DNER: variants seen among roughly 807,000 people sequenced by gnomAD.
The protein encoded by DNER is delta and Notch-like epidermal growth factor-related receptor.
In DNER, 33 loss-of-function variants were observed where a neutral mutation model predicts 78.2. The observed-to-expected ratio is 0.42, with a 90% CI of 0.32 to 0.56. The LOEUF (loss-of-function observed/expected upper bound fraction) is 0.56. DNER is among the 20% of genes least tolerant of loss of function. The pLI is 0.11. For synonymous variants in DNER, 417 were observed against 384.8 expected, an observed-to-expected ratio of 1.08 and a Z score of -0.98; for missense variants, 918 against 975.3, an observed-to-expected ratio of 0.94 and a Z score of 0.78.
chr2:229,401,496 A>G (rs545659751), intron 10 of DNER, among the ~76,000 whole-genome samples: 53 of 152,246 alleles, frequency 3.5e-4, no homozygotes, highest in African/African-American at 1.2e-3. Context: ...CTCAGCAATA[A>G]AAAGGGAGAA....
At chr2:229,670,927 T>C (rs1008802070) in intron 1 of DNER, among the ~76,000 whole-genome samples, 2 of 152,174 alleles carry the variant, frequency 1.3e-5, no homozygotes, top group African/African-American at 4.8e-5. Context: ...ATTTCAGTGA[T>C]GAAAAAAGAC....
chr2:229,603,920 T>A (rs1193934841), intron 1 of DNER, among the ~76,000 whole-genome samples: 1 of 152,226 alleles, frequency 6.6e-6, no homozygotes, highest in African/African-American at 2.4e-5. Context: ...TACCCAAAAG[T>A]AACCATAAGG....
chr2:229,606,156 T>C (rs895449560), intron 1 of DNER: 6 of 152,258 alleles, frequency 3.9e-5, no homozygotes, highest in Non-Finnish European at 8.8e-5. Flanking sequence ...TAGCACATGA[T>C]GACACTGCAT....
chr2:229,616,581 T>C (rs1442229029), intron 1 of DNER, among the ~76,000 whole-genome samples: 1 of 152,206 alleles, frequency 6.6e-6, no homozygotes, highest in East Asian at 1.9e-4. Context: ...CCCAGAAACA[T>C]TGCTGTAGAA....
At chr2:229,587,326 T>G (rs1003021203) in intron 3 of DNER, 2 of 152,274 alleles carry the variant, frequency 1.3e-5, no homozygotes, top group African/African-American at 4.8e-5. Flanking sequence ...GCTTCACCTC[T>G]CCCGCCTCTC....
intron 10 of DNER, among the ~76,000 whole-genome samples, chr2:229,400,361 T>C (rs551132016): frequency 1.3e-5 from 2 of 152,104 alleles, no homozygotes; most frequent in Admixed American, 6.6e-5. Context: ...AAAGCAATGA[T>C]ATCCCAGTAA....
intron 1 of DNER, among the ~76,000 whole-genome samples, chr2:229,660,884 G>A (rs900518824): frequency 6.6e-6 from 1 of 152,050 alleles, no homozygotes; most frequent in Non-Finnish European, 1.5e-5. Flanking sequence ...TTAAAACTGT[G>A]GAGTTTGTTG....
At chr2:229,618,644 C>A (rs1698205975) in intron 1 of DNER, among the ~76,000 whole-genome samples, 1 of 152,124 alleles carries the variant, frequency 6.6e-6, no homozygotes, top group Non-Finnish European at 1.5e-5. Context: ...CAGCTGCCGT[C>A]CAAATTGTTA....
At position 229,407,348 on chromosome 2, in the gene DNER, G is replaced by A. The variant is rs1215690599; in HGVS notation, c.1610-3C>T. On this transcript the variant is annotated splice_region_variant and splice_polypyrimidine_tract_variant and intron_variant, in intron 9 of 12. Transcript: ENST00000341772. ...CTTGTACAATTCACAGTGTGTTCCT[G>A]CAGAGAAACAAGCAAAACAGGATGA... 4 of 1,611,122 alleles carry A rather than the reference G, an allele frequency of 2.5e-6. No homozygotes were observed. The highest frequency in any genetic ancestry group is 1.3e-5 in the African/African-American group (1 of 74,878).
chr2:229,387,563 G>GAAA (rs750209136), intron 11 of DNER, among the ~76,000 whole-genome samples: 30 of 143,996 alleles, frequency 2.1e-4, no homozygotes, highest in Admixed American at 1.9e-3. Flanking sequence ...AAGAAAGAAA[G>GAAA]AAAGAAAAGA....
intron 7 of DNER, among the ~76,000 whole-genome samples, chr2:229,452,284 T>A (rs1278251032): frequency 6.6e-6 from 1 of 152,216 alleles, no homozygotes; most frequent in African/African-American, 2.4e-5. Flanking sequence ...TATTAGAGCA[T>A]GATTTTATAA....
intron 1 of DNER, among the ~76,000 whole-genome samples, chr2:229,626,795 C>T (rs1698353151): frequency 1.3e-5 from 2 of 152,298 alleles, no homozygotes; most frequent in East Asian, 3.9e-4. Context: ...TTGAAACTGA[C>T]TTTGAATTCA....
chr2:229,434,768 G>A (rs1694085908), intron 8 of DNER, among the ~76,000 whole-genome samples: 2 of 152,082 alleles, frequency 1.3e-5, no homozygotes, highest in South Asian at 4.1e-4. Context: ...GGTAAGTAAA[G>A]AAGTTTTCTC....
intron 4 of DNER, among the ~76,000 whole-genome samples, chr2:229,572,192 A>G (rs538510283): frequency 1.3e-5 from 2 of 152,076 alleles, no homozygotes; most frequent in African/African-American, 4.8e-5. Flanking sequence ...TCCCTCTCAT[A>G]CCTGCTCTTC....
At chr2:229,599,272 T>C (rs977231576) in intron 1 of DNER, among the ~76,000 whole-genome samples, 1 of 152,238 alleles carries the variant, frequency 6.6e-6, no homozygotes, top group Admixed American at 6.5e-5. Flanking sequence ...ATTACGTTAG[T>C]AATTTGTCTG....
chr2:229,638,884 G>C (rs114483274), intron 1 of DNER, among the ~76,000 whole-genome samples: 2 of 152,126 alleles, frequency 1.3e-5, no homozygotes, highest in Non-Finnish European at 2.9e-5. Context: ...AAGAAATTAG[G>C]TTCCTAATCC....
At chr2:229,365,314 C>T (rs762717187) in intron 12 of DNER, among the ~76,000 whole-genome samples, 1 of 152,150 alleles carries the variant, frequency 6.6e-6, no homozygotes, top group Non-Finnish European at 1.5e-5. Context: ...AGGAAGGATG[C>T]TCAACCTCTA....
intron 6 of DNER, among the ~76,000 whole-genome samples, chr2:229,502,682 C>G (rs777899013): frequency 3.9e-5 from 6 of 152,174 alleles, no homozygotes; most frequent in Admixed American, 6.5e-5. Context: ...GGATGGTTAT[C>G]ATTTCTTCAG....
intron 11 of DNER, among the ~76,000 whole-genome samples, chr2:229,379,678 A>G (rs1692691052): frequency 1.3e-5 from 2 of 152,124 alleles, no homozygotes; most frequent in South Asian, 4.2e-4. Context: ...TTGTCATACT[A>G]AACTTTAGAA....
Sources: allele counts gnomAD v4.1 joint callset (sites outside exome capture counted in the v4.1 genomes callset), GRCh38; gene constraint gnomAD v4.1.1; transcripts MANE v1.5; gene names NCBI Gene and HGNC (gene_info 2026-07-23, HGNC 2026-07-21).